LOC400499: variants seen among roughly 807,000 people sequenced by gnomAD.
At chr16:11,497,511 G>T in the LOC400499 span, among the ~76,000 whole-genome samples, 2 of 152,232 alleles carry the variant, frequency 1.3e-5, no homozygotes, top group Non-Finnish European at 2.9e-5. Flanking sequence ...AAGGCGGCGG[G>T]GGCACAGACA....
At chr16:11,386,852 C>T in the LOC400499 span, among the ~76,000 whole-genome samples, 5 of 152,206 alleles carry the variant, frequency 3.3e-5, no homozygotes, top group Non-Finnish European at 5.9e-5. Flanking sequence ...GGAGGGCTGC[C>T]GTCTTCTCCA....
the LOC400499 span, among the ~76,000 whole-genome samples, chr16:11,515,483 A>G: frequency 5.5e-5 from 8 of 144,826 alleles, no homozygotes; most frequent in East Asian, 1.9e-4. Flanking sequence ...ACGTACGTAC[A>G]TACATACATA....
At chr16:11,381,483 C>T in the LOC400499 span, among the ~76,000 whole-genome samples, 1 of 152,174 alleles carries the variant, frequency 6.6e-6, no homozygotes, top group East Asian at 1.9e-4. Flanking sequence ...GGTTTGTAAA[C>T]ATTTTTCCCA....
chr16:11,425,871 C>T, the LOC400499 span, among the ~76,000 whole-genome samples: 1 of 152,046 alleles, frequency 6.6e-6, no homozygotes, highest in Non-Finnish European at 1.5e-5. Flanking sequence ...AAACCTCATA[C>T]CAAACCTGAC....
At chr16:11,465,945 C>T in the LOC400499 span, among the ~76,000 whole-genome samples, 1 of 152,110 alleles carries the variant, frequency 6.6e-6, no homozygotes, top group Non-Finnish European at 1.5e-5. Flanking sequence ...AACATATAAA[C>T]CTTGTGGCCT....
chr16:11,485,178 C>A, the LOC400499 span: 3 of 397,496 alleles, frequency 7.5e-6, no homozygotes, highest in Non-Finnish European at 1.3e-5. Context: ...GGCTTGAGCA[C>A]GGCACTCCAG....
At chr16:11,468,047 C>T in the LOC400499 span, among the ~76,000 whole-genome samples, 52,340 of 151,706 alleles carry the variant, frequency 0.35, 11,520 homozygotes, top group Non-Finnish European at 0.5. Flanking sequence ...AATCCAGGAG[C>T]GAGACCTAGG....
chr16:11,471,347 AG>A, the LOC400499 span: 1 of 240,046 alleles, frequency 4.2e-6, no homozygotes, highest in Non-Finnish European at 7.9e-6. Context: ...ACTGATTAAA[AG>A]GGAAGAAATG....
At chr16:11,424,684 G>T in the LOC400499 span, among the ~76,000 whole-genome samples, 2 of 152,216 alleles carry the variant, frequency 1.3e-5, no homozygotes, top group Non-Finnish European at 2.9e-5. Flanking sequence ...GTCTGATTGT[G>T]TGTCCTCCCT....
chr16:11,490,527 G>A, the LOC400499 span, among the ~76,000 whole-genome samples: 47,951 of 151,634 alleles, frequency 0.32, 8,413 homozygotes, highest in African/African-American at 0.44. Context: ...GTGAAACCCC[G>A]TCTCTACTAA....
chr16:11,413,289 C>A, the LOC400499 span, among the ~76,000 whole-genome samples: 3 of 152,182 alleles, frequency 2.0e-5, no homozygotes, highest in African/African-American at 7.2e-5. Context: ...GTATCCAGTC[C>A]ACTCAGTTGT....
chr16:11,393,445 G>A, the LOC400499 span: 15 of 1,232,230 alleles, frequency 1.2e-5, no homozygotes, highest in East Asian at 3.2e-5. Flanking sequence ...AACACAGACA[G>A]CCTCACTTTC....
At chr16:11,500,957 C>A in the LOC400499 span, 4 of 398,948 alleles carry the variant, frequency 1.0e-5, no homozygotes, top group Non-Finnish European at 1.3e-5. Flanking sequence ...GCAGGGCATC[C>A]AACAGTGGCT....
chr16:11,463,897 A>G, the LOC400499 span, among the ~76,000 whole-genome samples: 3 of 152,304 alleles, frequency 2.0e-5, no homozygotes, highest in Non-Finnish European at 1.5e-5. Flanking sequence ...ATGTGTACAG[A>G]TATGTCCACA....
chr16:11,407,064 A>G, the LOC400499 span: 1 of 394,234 alleles, frequency 2.5e-6, no homozygotes, highest in African/African-American at 2.1e-5. Flanking sequence ...AATCCAGCAC[A>G]TTGTGTCCAT....
chr16:11,522,601 A>G, the LOC400499 span, among the ~76,000 whole-genome samples: 1 of 152,208 alleles, frequency 6.6e-6, no homozygotes, highest in African/African-American at 2.4e-5. Flanking sequence ...AACTCAGTTA[A>G]GCTTCATAAC....
the LOC400499 span, chr16:11,440,655 G>C: frequency 2.5e-6 from 1 of 398,396 alleles, no homozygotes; most frequent in Non-Finnish European, 4.4e-6. Flanking sequence ...ATCTCATACA[G>C]GGCACCTTCA....
chr16:11,460,788 C>T, the LOC400499 span, among the ~76,000 whole-genome samples: 1 of 152,344 alleles, frequency 6.6e-6, no homozygotes, highest in East Asian at 1.9e-4. Context: ...GTGAATGTCT[C>T]CTCAACAGAC....
the LOC400499 span, among the ~76,000 whole-genome samples, chr16:11,457,825 T>C: frequency 1.3e-5 from 2 of 152,146 alleles, no homozygotes; most frequent in African/African-American, 4.8e-5. Flanking sequence ...CAATGGAGTA[T>C]TCGGCCTTAA....
Sources: allele counts gnomAD v4.1 joint callset (sites outside exome capture counted in the v4.1 genomes callset), GRCh38; gene constraint gnomAD v4.1.1; transcripts MANE v1.5.